Variants in SH3BP4 observed in about 807,000 individuals in gnomAD.
SH3BP4 encodes the protein SH3 domain binding protein 4.
SH3BP4 carries 33 observed loss-of-function variants against 65.5 expected under a neutral mutation model. That is an observed-to-expected ratio of 0.50 (90% confidence interval 0.38 to 0.67). The LOEUF is 0.67. Ranked by LOEUF, SH3BP4 falls within the 30% of genes least tolerant of loss-of-function variation. The pLI is 0.00. For missense variants in SH3BP4, 1,134 were observed against 1,261.4 expected (o/e 0.90, Z 1.53); for synonymous variants, 552 against 545.5 (o/e 1.01, Z -0.17).
Position 235,045,562 on chromosome 2 carries a change from G to A in SH3BP4, c.2478+2315G>A, listed in dbSNP as rs1244107054. Among the ~76,000 whole-genome samples, 2 of 152,098 alleles carry A rather than the reference G, an allele frequency of 1.3e-5. No individual in the cohort carries two copies. Among genetic ancestry groups the A allele is most frequent in the African/African-American group, 2.4e-5 (1 of 41,412 alleles). On this transcript the variant is annotated intron_variant, in intron 4 of 5. Coordinates refer to ENST00000392011, the MANE Select transcript of SH3BP4 (RefSeq NM_014521.3). This position sits in a 1 kb window ranked among gnomAD's most constrained non-coding sequence, Gnocchi z 4.3. ...CCCTTGGCCAGGTCGGCTCCCTGAG[G>A]CAAGGTTAGATTTTGTGGTGATAAA...
intron 2 of SH3BP4, among the ~76,000 whole-genome samples, chr2:235,013,727 T>G (rs1463504736): frequency 6.6e-6 from 1 of 152,128 alleles, no homozygotes; most frequent in Non-Finnish European, 1.5e-5. Flanking sequence ...TTTCTAATGG[T>G]TTGAGCGCAT....
chr2:234,974,973 C>T lies in SH3BP4; in HGVS notation c.-206-20330C>T, dbSNP rs1015932810. Among the ~76,000 whole-genome samples, 21 of 152,202 alleles carry T rather than the reference C, an allele frequency of 1.4e-4. No homozygotes were observed. The highest frequency in any genetic ancestry group is 9.8e-4 in the Admixed American group (15 of 15,280). ...GCATGTGGGAAGCATGCCCAGCACA[C>T]GTCTCAGTCCCGTCCCTCGGAGCAG... On this transcript the variant is annotated intron_variant, in intron 1 of 5. Coordinates refer to ENST00000392011, the MANE Select transcript of SH3BP4 (RefSeq NM_014521.3). The surrounding 1 kb of genome is among the most constrained non-coding windows in gnomAD (Gnocchi z 4.6).
intron 2 of SH3BP4, among the ~76,000 whole-genome samples, chr2:235,021,151 C>T (rs1694836288): frequency 6.6e-6 from 1 of 152,174 alleles, no homozygotes. Context: ...CTACACTGCT[C>T]TGGGACTCAT....
intron 1 of SH3BP4, among the ~76,000 whole-genome samples, chr2:234,986,098 CAA>C (rs1559232913): frequency 1.4e-3 from 214 of 148,986 alleles, no homozygotes; most frequent in African/African-American, 4.9e-3. Flanking sequence ...GCCCTTGACA[CAA>C]ACCTATGAGC....
chr2:234,954,234 C>T (rs1197855293), intron 1 of SH3BP4, among the ~76,000 whole-genome samples: 1 of 152,074 alleles, frequency 6.6e-6, no homozygotes, highest in Admixed American at 6.6e-5. Flanking sequence ...AGAACCCATG[C>T]CATTTGTTAA....
intron 1 of SH3BP4, among the ~76,000 whole-genome samples, chr2:234,971,686 A>G (rs1693006869): frequency 6.6e-6 from 1 of 152,212 alleles, no homozygotes; most frequent in Non-Finnish European, 1.5e-5. Flanking sequence ...TAGCTGTCTC[A>G]GCAGGTGTGT....
At chr2:235,012,556 C>T (rs987875898) in intron 2 of SH3BP4, among the ~76,000 whole-genome samples, 2 of 152,178 alleles carry the variant, frequency 1.3e-5, no homozygotes, top group Non-Finnish European at 2.9e-5. Context: ...CTTTTACTGC[C>T]GGGTGACCTG....
At chr2:235,021,999 A>G (rs1199150451) in intron 2 of SH3BP4, among the ~76,000 whole-genome samples, 1 of 152,234 alleles carries the variant, frequency 6.6e-6, no homozygotes, top group African/African-American at 2.4e-5. Context: ...TCAGTCCACA[A>G]ACCTTTTATT....
chr2:235,023,150 C>T (rs11695279), intron 2 of SH3BP4, among the ~76,000 whole-genome samples: 15,131 of 152,212 alleles, frequency 0.099, 1,142 homozygotes, highest in East Asian at 0.25. Context: ...TATCTGAGAG[C>T]GTCCAGAATC....
At chr2:235,032,535 C>T (rs1430517097) in intron 2 of SH3BP4, among the ~76,000 whole-genome samples, 3 of 152,228 alleles carry the variant, frequency 2.0e-5, no homozygotes, top group African/African-American at 7.2e-5. Flanking sequence ...GGGGTCTCCA[C>T]AGTGGCCTCC....
At chr2:234,996,926 A>G (rs541804297) in intron 2 of SH3BP4, among the ~76,000 whole-genome samples, 3 of 141,294 alleles carry the variant, frequency 2.1e-5, no homozygotes, top group African/African-American at 7.7e-5. Context: ...GGCGGCACGC[A>G]TGTGGTTTGC....
At chr2:235,011,871 AGTTGATTAGTGTCCGT>A (rs1366490013) in intron 2 of SH3BP4, among the ~76,000 whole-genome samples, 2 of 152,162 alleles carry the variant, frequency 1.3e-5, no homozygotes, top group Non-Finnish European at 2.9e-5. Context: ...CCCTCCTTGC[AGTTGATTAGTGTCCGT>A]TGAGCGGTTG....
intron 1 of SH3BP4, among the ~76,000 whole-genome samples, chr2:234,989,503 G>T (rs1005259666): frequency 1.3e-5 from 2 of 152,142 alleles, no homozygotes; most frequent in Non-Finnish European, 2.9e-5. Flanking sequence ...CCTACATCCC[G>T]CCTGGCCCTT....
chr2:235,009,246 C>T (rs930113698), intron 2 of SH3BP4, among the ~76,000 whole-genome samples: 2 of 152,178 alleles, frequency 1.3e-5, no homozygotes, highest in African/African-American at 4.8e-5. Flanking sequence ...AGGTGCCATC[C>T]GGCCTGCAGT....
intron 4 of SH3BP4, among the ~76,000 whole-genome samples, chr2:235,047,682 C>T (rs1263945714): frequency 6.6e-6 from 1 of 152,338 alleles, no homozygotes. Context: ...AAGCAGCCCA[C>T]GGTGGCCTCA....
At chr2:235,039,414 T>A (rs1408322088) in intron 3 of SH3BP4, among the ~76,000 whole-genome samples, 1 of 152,006 alleles carries the variant, frequency 6.6e-6, no homozygotes, top group Non-Finnish European at 1.5e-5. Context: ...TTCATCACAT[T>A]AGAAAAGATG....
rs1250172564 is a variant in SH3BP4 at position 235,052,413 on chromosome 2, C to T, written c.2479-149C>T. The T allele has an allele frequency of 2.2e-5, 13 of 601,166 alleles. 1 individual carries two copies. Among genetic ancestry groups the T allele is most frequent in the African/African-American group, 1.7e-4 (9 of 53,986 alleles). The allele number at this position is 601,166 out of a possible 1,614,324, so 37.2% of individuals were successfully genotyped here. A position where few individuals can be genotyped will look rare whatever the true frequency, so the allele number is the denominator to read the frequency against. Reference sequence around the variant, plus strand: ...TTCTCCCGTGAATCCTGGCAGTGATCGATTTCAGGGGACATTTGGTAGTAG... The same window carrying T: ...TTCTCCCGTGAATCCTGGCAGTGATTGATTTCAGGGGACATTTGGTAGTAG... On this transcript the variant is annotated intron_variant, in intron 4 of 5. Coordinates refer to ENST00000392011, the MANE Select transcript of SH3BP4 (RefSeq NM_014521.3). This position sits in a 1 kb window ranked among gnomAD's most constrained non-coding sequence, Gnocchi z 5.0.
At chr2:234,969,821 T>C (rs998686259) in intron 1 of SH3BP4, among the ~76,000 whole-genome samples, 1 of 152,200 alleles carries the variant, frequency 6.6e-6, no homozygotes, top group African/African-American at 2.4e-5. Context: ...GCTTTCAGGC[T>C]GAGACGCGTG....
At chr2:235,008,765 T>C (rs750404010) in intron 2 of SH3BP4, among the ~76,000 whole-genome samples, 2 of 152,244 alleles carry the variant, frequency 1.3e-5, no homozygotes, top group African/African-American at 2.4e-5. Flanking sequence ...GGTTTTGTTC[T>C]ATTTTATCTC....
Sources: allele counts gnomAD v4.1 joint callset (sites outside exome capture counted in the v4.1 genomes callset), GRCh38; gene constraint gnomAD v4.1.1; non-coding constraint Gnocchi (gnomAD v3.1); transcripts MANE v1.5; gene names NCBI Gene and HGNC (gene_info 2026-07-23, HGNC 2026-07-21).